The following WWOX variants were observed in gnomAD, a reference collection of about 807,000 sequenced individuals.
WWOX encodes the protein WW domain-containing oxidoreductase.
WWOX carries 69 observed loss-of-function variants against 46.2 expected under a neutral mutation model. The observed-to-expected ratio is 1.49, with a 90% CI of 1.23 to 1.82. The LOEUF (loss-of-function observed/expected upper bound fraction) is 1.82. Among genes scored for constraint, WWOX ranks in the 40% most tolerant of loss-of-function variants. The pLI is 0.00. For synonymous variants in WWOX, 359 were observed against 202.6 expected, an observed-to-expected ratio of 1.77 and a Z score of -6.56; for missense variants, 919 against 542.6, an observed-to-expected ratio of 1.69 and a Z score of -6.89.
chr16:79,011,930 A>G (rs1412529548), intron 8 of WWOX, among the ~76,000 whole-genome samples: 3 of 152,200 alleles, frequency 2.0e-5, no homozygotes, highest in Non-Finnish European at 2.9e-5. Flanking sequence ...CTGGAATTTC[A>G]GGCATGAGCC....
In WWOX at chr16:78,226,482, T is replaced by TTCCC. The variant is rs56126537; in HGVS notation, c.516+62215_516+62218dup. ...CTGTCCTGTCCTGTCCTGTCCTGTC[T>TTCCC]TCCCTCCCTCCCTCCCTCCCTCCCT... On this transcript the variant is annotated intron_variant, in intron 5 of 8. Coordinates refer to ENST00000566780, the MANE Select transcript of WWOX (RefSeq NM_016373.4). Among the ~76,000 whole-genome samples, 1,078 of 134,182 alleles carry TTCCC rather than the reference T, an allele frequency of 8.0e-3. 20 individuals are homozygous for TTCCC. The highest frequency in any genetic ancestry group is 0.033 in the Admixed American group (413 of 12,570). 88.0% of individuals were successfully genotyped at this position (134,182 alleles called of 152,430 possible).
intron 4 of WWOX, among the ~76,000 whole-genome samples, chr16:78,115,405 G>A (rs1597218814): frequency 6.6e-6 from 1 of 152,304 alleles, no homozygotes; most frequent in East Asian, 1.9e-4. Context: ...TTGGTATTCA[G>A]GGATGAGAGA....
At chr16:78,746,288 A>G (rs2049345428) in intron 8 of WWOX, among the ~76,000 whole-genome samples, 1 of 152,186 alleles carries the variant, frequency 6.6e-6, no homozygotes, top group Admixed American at 6.5e-5. Context: ...GCTTGAGGCC[A>G]GGTGTTCAAG....
At chr16:78,946,999 T>G (rs1037520847) in intron 8 of WWOX, among the ~76,000 whole-genome samples, 1 of 151,912 alleles carries the variant, frequency 6.6e-6, no homozygotes, top group African/African-American at 2.4e-5. Context: ...GAAGAGGGAC[T>G]TTGTTCCCCC....
intron 8 of WWOX, among the ~76,000 whole-genome samples, chr16:79,187,072 G>A (rs572616895): frequency 1.9e-3 from 286 of 152,268 alleles, no homozygotes; most frequent in South Asian, 5.4e-3. Context: ...GACTCTTTGG[G>A]TATTGTGTTT....
intron 8 of WWOX, among the ~76,000 whole-genome samples, chr16:79,012,698 G>T (rs969294551): frequency 1.1e-4 from 17 of 152,182 alleles, no homozygotes; most frequent in Non-Finnish European, 2.4e-4. Context: ...CTATGGAAAG[G>T]GCTGGAAGTT....
chr16:78,168,358 A>G (rs977448452), intron 5 of WWOX: 3 of 152,100 alleles, frequency 2.0e-5, no homozygotes, highest in Middle Eastern at 3.4e-3. Flanking sequence ...AACAGCCCCC[A>G]TTTATCAAAT....
rs1209882463 is a variant in WWOX, at chr16:78,495,203, T to TGATCTC, written c.1056+62453_1056+62458dup. 5.7e-5 allele frequency among the ~76,000 whole-genome samples: 8 copies of TGATCTC among 141,306 alleles called. No homozygotes were observed. In the Admixed American group the frequency reaches 6.5e-4, roughly 11 times the overall value. 92.7% of individuals were successfully genotyped at this position (141,306 alleles called of 152,430 possible). A position where few individuals can be genotyped will look rare whatever the true frequency, so the allele number is the denominator to read the frequency against. ...TCGCCCAGGTTGCAGTGCGGTGGCA[T>TGATCTC]GATCTCGGCTCACTGCAACTTTTGC... On this transcript the variant is annotated intron_variant, in intron 8 of 8. Coordinates refer to ENST00000566780, the MANE Select transcript of WWOX (RefSeq NM_016373.4).
intron 8 of WWOX, among the ~76,000 whole-genome samples, chr16:78,621,499 A>C (rs978814725): frequency 7.1e-6 from 1 of 140,588 alleles, no homozygotes; most frequent in Admixed American, 7.3e-5. Flanking sequence ...ACACATTTCC[A>C]TTTTACTTCT....
intron 8 of WWOX, among the ~76,000 whole-genome samples, chr16:79,109,270 G>T (rs2049370392): frequency 6.6e-6 from 1 of 152,196 alleles, no homozygotes; most frequent in Non-Finnish European, 1.5e-5. Flanking sequence ...CACTGTGGCT[G>T]GGAGTTGACA....
chr16:78,176,032 CA>C (rs1336563081), intron 5 of WWOX, among the ~76,000 whole-genome samples: 2 of 152,148 alleles, frequency 1.3e-5, no homozygotes, highest in African/African-American at 4.8e-5. Flanking sequence ...CCCGCTTTGG[CA>C]TAAGTTCCTC....
intron 8 of WWOX, among the ~76,000 whole-genome samples, chr16:78,755,644 C>G (rs550223007): frequency 1.2e-4 from 19 of 152,182 alleles, no homozygotes; most frequent in Non-Finnish European, 2.1e-4. Context: ...AGGAACATCA[C>G]CTGCCTTGGT....
At chr16:78,883,666 G>T (rs1567624780) in intron 8 of WWOX, among the ~76,000 whole-genome samples, 1 of 151,742 alleles carries the variant, frequency 6.6e-6, no homozygotes, top group Non-Finnish European at 1.5e-5. Context: ...GGAGGTTGCA[G>T]TGAGTTGAGA....
At chr16:79,079,033 AG>A (rs2048712048) in intron 8 of WWOX, among the ~76,000 whole-genome samples, 1 of 152,236 alleles carries the variant, frequency 6.6e-6, no homozygotes, top group East Asian at 1.9e-4. Flanking sequence ...GCATTGATCA[AG>A]GTAGGCTAAC....
intron 8 of WWOX, among the ~76,000 whole-genome samples, chr16:78,699,091 A>C (rs78927031): frequency 6.6e-6 from 1 of 152,178 alleles, no homozygotes; most frequent in African/African-American, 2.4e-5. Context: ...CTAACTTTGT[A>C]TGAAAGTAGC....
Position 78,343,861 on chromosome 16 carries a change from C to T in WWOX, c.517-42999C>T, listed in dbSNP as rs2081055302. The stretch of plus-strand genomic sequence containing the variant: ...ACCCGTTTTGGGCTTGAAAAGTTTT[C>T]CTTCTGCTGAGAAATGATGATGGTG... On this transcript the variant is annotated intron_variant, in intron 5 of 8. Transcript: ENST00000566780. Among the ~76,000 whole-genome samples, 2 of 119,648 alleles carry T rather than the reference C, an allele frequency of 1.7e-5. 1 individual carries two copies. Among genetic ancestry groups the T allele is most frequent in the Non-Finnish European group, 4.0e-5 (2 of 50,222 alleles). 78.5% of individuals were successfully genotyped at this position (119,648 alleles called of 152,430 possible).
chr16:78,635,998 C>G (rs745741576), intron 8 of WWOX, among the ~76,000 whole-genome samples: 1 of 152,162 alleles, frequency 6.6e-6, no homozygotes, highest in Admixed American at 6.5e-5. Context: ...TTCCGTAACT[C>G]ATCCTGCCAA....
chr16:78,731,138 C>G (rs1207235999), intron 8 of WWOX, among the ~76,000 whole-genome samples: 1 of 152,092 alleles, frequency 6.6e-6, no homozygotes, highest in African/African-American at 2.4e-5. Context: ...TTTAACTGGG[C>G]TGTGTAAGCC....
intron 8 of WWOX, among the ~76,000 whole-genome samples, chr16:78,772,134 A>G (rs374753012): frequency 1.3e-5 from 2 of 152,284 alleles, no homozygotes; most frequent in South Asian, 2.1e-4. Flanking sequence ...AGATTATTTC[A>G]TCACCCAGGT....
Sources: gnomAD v4.1 joint callset for allele counts (sites outside exome capture counted in the v4.1 genomes callset) on GRCh38, gnomAD v4.1.1 for gene constraint, MANE v1.5 for transcripts, NCBI Gene and HGNC (gene_info 2026-07-23, HGNC 2026-07-21) for gene names.